Variants in ELMO1 observed in about 807,000 individuals in gnomAD.
ELMO1 encodes the protein engulfment and cell motility 1.
ELMO1 carries 26 observed loss-of-function variants against 98.9 expected under a neutral mutation model. The observed-to-expected ratio is 0.26, with a 90% CI of 0.19 to 0.36. ELMO1 has a LOEUF of 0.36. Among genes scored for constraint, ELMO1 ranks in the 10% least tolerant of loss-of-function variants. The probability of loss-of-function intolerance (pLI) is 1.00; values close to 1 mark genes in which losing one functional copy is unlikely to be tolerated. For missense variants in ELMO1, 627 were observed against 935.2 expected (o/e 0.67, Z 4.30); for synonymous variants, 346 against 346.0 (o/e 1.00, Z 0.00).
intron 14 of ELMO1, among the ~76,000 whole-genome samples, chr7:37,114,451 G>C (rs141851672): frequency 6.6e-6 from 1 of 152,276 alleles, no homozygotes; most frequent in African/African-American, 2.4e-5. Context: ...GTTGGTAACT[G>C]GGTCTTAATG....
At chr7:37,413,739 G>A (rs191850875) in intron 1 of ELMO1, among the ~76,000 whole-genome samples, 66 of 152,236 alleles carry the variant, frequency 4.3e-4, no homozygotes, top group East Asian at 7.7e-4. Context: ...GTGCAGTGGC[G>A]TGATCTCAGC....
At chr7:37,102,754 G>A (rs1026716088) in intron 14 of ELMO1, among the ~76,000 whole-genome samples, 25 of 152,296 alleles carry the variant, frequency 1.6e-4, no homozygotes, top group African/African-American at 5.5e-4. Context: ...ACTGGTCCAA[G>A]GTCACACAGC....
chr7:36,957,314 A>G (rs780196630), intron 16 of ELMO1, among the ~76,000 whole-genome samples: 14 of 132,126 alleles, frequency 1.1e-4, no homozygotes, highest in Non-Finnish European at 1.9e-4. Context: ...CTACTGGACC[A>G]CTGCTCCTCC....
At chr7:37,439,980 G>GGGGT (rs1805326591) in intron 1 of ELMO1, among the ~76,000 whole-genome samples, 1 of 150,326 alleles carries the variant, frequency 6.7e-6, no homozygotes, top group African/African-American at 2.4e-5. Flanking sequence ...GAGCTGCATG[G>GGGGT]GTGTGTGTGT....
chr7:37,223,580 A>G (rs1793713136), intron 9 of ELMO1, among the ~76,000 whole-genome samples: 1 of 152,234 alleles, frequency 6.6e-6, no homozygotes, highest in South Asian at 2.1e-4. Context: ...TAAACTCTCC[A>G]CTTTGGTAAC....
intron 13 of ELMO1, among the ~76,000 whole-genome samples, chr7:37,151,546 T>C (rs1584725070): frequency 1.3e-5 from 2 of 152,296 alleles, no homozygotes; most frequent in African/African-American, 4.8e-5. Flanking sequence ...TAAGTGACAC[T>C]ATCTGGCCAT....
intron 15 of ELMO1, among the ~76,000 whole-genome samples, chr7:37,066,347 T>G (rs1796962443): frequency 6.6e-6 from 1 of 152,176 alleles, no homozygotes; most frequent in Non-Finnish European, 1.5e-5. Context: ...AATCTAGTAT[T>G]TAGCCATTTG....
intron 15 of ELMO1, among the ~76,000 whole-genome samples, chr7:37,082,986 T>A (rs570766077): frequency 6.6e-6 from 1 of 152,194 alleles, no homozygotes; most frequent in African/African-American, 2.4e-5. Context: ...AATGTAGTGG[T>A]TACAGTCAGC....
intron 1 of ELMO1, among the ~76,000 whole-genome samples, chr7:37,374,443 A>G (rs1802244345): frequency 6.6e-6 from 1 of 152,248 alleles, no homozygotes; most frequent in Non-Finnish European, 1.5e-5. Context: ...AAAGAACATT[A>G]GTTAGTCGTT....
intron 1 of ELMO1, chr7:37,351,321 A>G (rs543713082): frequency 6.6e-6 from 1 of 152,378 alleles, no homozygotes; most frequent in South Asian, 2.1e-4. Context: ...TAAGGATCTC[A>G]TAAATTTGTC....
At chr7:37,191,543 C>A (rs1030461634) in intron 13 of ELMO1, among the ~76,000 whole-genome samples, 1 of 152,108 alleles carries the variant, frequency 6.6e-6, no homozygotes, top group African/African-American at 2.4e-5. Flanking sequence ...CACATATGTT[C>A]ATGGAACCCC....
intron 8 of ELMO1, among the ~76,000 whole-genome samples, chr7:37,229,157 T>C (rs1020944232): frequency 1.3e-5 from 2 of 152,256 alleles, no homozygotes; most frequent in South Asian, 4.1e-4. Flanking sequence ...ACTGAAAACA[T>C]TTGCGGGGTA....
chr7:37,438,165 A>G (rs1323744689), intron 1 of ELMO1, among the ~76,000 whole-genome samples: 1 of 152,200 alleles, frequency 6.6e-6, no homozygotes, highest in Non-Finnish European at 1.5e-5. Context: ...AAGAAAAGAC[A>G]TATAAAGCAA....
intron 14 of ELMO1, among the ~76,000 whole-genome samples, chr7:37,118,036 C>A (rs2111035): frequency 0.24 from 36,808 of 152,190 alleles, 5,654 homozygotes; most frequent in African/African-American, 0.44. Flanking sequence ...GAACAAAAAA[C>A]TGTTGTGCAC....
At chr7:37,244,066 T>C (rs1794881450) in intron 7 of ELMO1, among the ~76,000 whole-genome samples, 1 of 152,196 alleles carries the variant, frequency 6.6e-6, no homozygotes, top group Non-Finnish European at 1.5e-5. Context: ...CATAAAATTA[T>C]GCTTAGCACT....
chr7:36,920,348 G>A (rs1237652326), intron 16 of ELMO1, among the ~76,000 whole-genome samples: 1 of 152,222 alleles, frequency 6.6e-6, no homozygotes, highest in Non-Finnish European at 1.5e-5. Flanking sequence ...TGCCTCTGGA[G>A]GAAGAGGCTG....
chr7:37,397,068 A>G (rs1380627508), intron 1 of ELMO1, among the ~76,000 whole-genome samples: 2 of 152,244 alleles, frequency 1.3e-5, no homozygotes, highest in African/African-American at 2.4e-5. Flanking sequence ...TCAGAAAGAA[A>G]TAAACTGGCT....
rs144762858 is a variant in ELMO1 at position 36,941,836 on chromosome 7, T to A, written c.1438-46819A>T. On this transcript the variant is annotated intron_variant, in intron 16 of 21. Transcript: ENST00000310758. ...TACAAAACATCCTGAGAGGGGGGCC[T>A]CATTCCTCTGGTTTCACAGATGAGC... Among the ~76,000 whole-genome samples, 18 of 152,346 alleles carry A rather than the reference T, an allele frequency of 1.2e-4. No homozygotes were observed. The East Asian group carries it at 3.5e-3, about 29-fold the overall frequency.
rs938647291 is a variant in ELMO1, at chr7:37,224,825, C to T, written c.701+54G>A. The stretch of plus-strand genomic sequence containing the variant: ...CATAAAACGTTTCCCAGTGCATTAC[C>T]GTGGCCATCTTCCTGAAGCATTTCT... On this transcript the variant is annotated intron_variant, in intron 9 of 21. Coordinates refer to ENST00000310758, the MANE Select transcript of ELMO1 (RefSeq NM_014800.11). 1.7e-5 allele frequency: 27 copies of T among 1,598,430 alleles called. 1 individual carries two copies. Among genetic ancestry groups the T allele is most frequent in the South Asian group, 1.0e-4 (9 of 89,912 alleles).
Sources: allele counts gnomAD v4.1 joint callset (sites outside exome capture counted in the v4.1 genomes callset), GRCh38; gene constraint gnomAD v4.1.1; transcripts MANE v1.5; gene names NCBI Gene and HGNC (gene_info 2026-07-23, HGNC 2026-07-21).